Variants in FER observed in about 807,000 individuals in gnomAD.
FER encodes tyrosine-protein kinase Fer.
A neutral mutation model predicts 111.0 loss-of-function variants in FER; 63 were observed. That is an observed-to-expected ratio of 0.57 (90% CI 0.46 to 0.70). The LOEUF is 0.70. Ranked by LOEUF, FER falls within the 30% of genes least tolerant of loss-of-function variation. The pLI, the probability that FER is intolerant of heterozygous loss-of-function variation, is 0.00. For missense variants in FER, 914 were observed against 954.0 expected (o/e 0.96, Z 0.55); for synonymous variants, 327 against 313.9 (o/e 1.04, Z -0.44).
intron 13 of FER, among the ~76,000 whole-genome samples, chr5:108,968,146 T>G (rs1363270917): frequency 1.3e-5 from 2 of 152,218 alleles, no homozygotes; most frequent in Admixed American, 1.3e-4. Flanking sequence ...CCCAGCACTT[T>G]GGGAGGCAAA....
chr5:108,835,618 T>C, intron 4 of FER, 90 bp from the exon 5 acceptor site: 1 of 744,594 alleles, frequency 1.3e-6, no homozygotes, highest in Non-Finnish European at 2.2e-6. Flanking sequence ...AGTAGTGAAA[T>C]ACACATCAGT....
chr5:108,770,853 A>T (rs1407391610), intron 2 of FER, among the ~76,000 whole-genome samples: 2 of 152,198 alleles, frequency 1.3e-5, no homozygotes, highest in Non-Finnish European at 2.9e-5. Context: ...GCAAAGTGAA[A>T]TGGAATAAAC....
intron 10 of FER, among the ~76,000 whole-genome samples, chr5:108,906,470 A>G (rs1321398809): frequency 6.6e-6 from 1 of 152,162 alleles, no homozygotes; most frequent in Non-Finnish European, 1.5e-5. Context: ...AAAAACTGTC[A>G]TGTAATTAAC....
chr5:109,177,897 T>G (rs1757878977), intron 17 of FER, among the ~76,000 whole-genome samples: 1 of 152,202 alleles, frequency 6.6e-6, no homozygotes, highest in Non-Finnish European at 1.5e-5. Flanking sequence ...TGAATTCATG[T>G]AGGATTTGCA....
At chr5:108,883,612 A>G in intron 9 of FER, 94 bp downstream of exon 9, 1 of 1,087,348 alleles carries the variant, frequency 9.2e-7, no homozygotes, top group Non-Finnish European at 1.2e-6. Flanking sequence ...TAACATTTCT[A>G]GAAACAGAAA....
intron 17 of FER, among the ~76,000 whole-genome samples, chr5:109,146,277 T>TTATCTATCTA (rs1754194572): frequency 1.4e-5 from 1 of 70,190 alleles, no homozygotes; most frequent in African/African-American, 5.3e-5. Context: ...TATATATATA[T>TTATCTATCTA]ATATATATAT....
Position 109,051,743 on chromosome 5 carries a change from C to A in FER, c.1924+4545C>A. On this transcript the variant is annotated intron_variant, in intron 16 of 19. Coordinates refer to ENST00000281092, the MANE Select transcript of FER (RefSeq NM_005246.4). ...TGGTAAGGGTCGCTCTTTCCCTTAA[C>A]CCAATCCTTAACGCCCTTGAAGAAA... The A allele has an allele frequency of 2.5e-6, 4 of 1,572,374 alleles. No individual in the cohort carries two copies. The South Asian group carries it at 3.3e-5, about 13-fold the overall frequency.
intron 1 of FER, among the ~76,000 whole-genome samples, chr5:108,762,045 G>T (rs576797652): frequency 6.6e-6 from 1 of 152,138 alleles, no homozygotes; most frequent in South Asian, 2.1e-4. Flanking sequence ...CAAGTAGCTG[G>T]GACTATAGGT....
intron 17 of FER, among the ~76,000 whole-genome samples, chr5:109,176,957 T>C (rs964814449): frequency 6.6e-6 from 1 of 152,202 alleles, no homozygotes; most frequent in Non-Finnish European, 1.5e-5. Context: ...AACAAATATA[T>C]ACATGTAGTA....
intron 13 of FER, among the ~76,000 whole-genome samples, chr5:109,028,142 A>T (rs769811004): frequency 6.6e-6 from 1 of 152,178 alleles, no homozygotes; most frequent in African/African-American, 2.4e-5. Flanking sequence ...CATAAAGATT[A>T]TACAAAATTG....
At chr5:108,848,987 C>T (rs1762292483) in intron 5 of FER, among the ~76,000 whole-genome samples, 1 of 151,752 alleles carries the variant, frequency 6.6e-6, no homozygotes, top group Admixed American at 6.6e-5. Context: ...GATGTTTCTC[C>T]AGTGCCTTGT....
chr5:109,010,472 T>C (rs1424310885), intron 13 of FER, among the ~76,000 whole-genome samples: 1 of 152,152 alleles, frequency 6.6e-6, no homozygotes, highest in Non-Finnish European at 1.5e-5. Flanking sequence ...TATCCTTCTT[T>C]AAATGTTTTG....
At chr5:108,985,898 G>T (rs572372379) in intron 13 of FER, among the ~76,000 whole-genome samples, 3 of 152,280 alleles carry the variant, frequency 2.0e-5, no homozygotes, top group African/African-American at 7.2e-5. Flanking sequence ...CTGTAGACAT[G>T]TGTATGCAAA....
Position 108,935,501 on chromosome 5 carries a change from G to A in FER, c.1237-10629G>A, listed in dbSNP as rs116375369. Among the ~76,000 whole-genome samples the A allele has an allele frequency of 3.7e-3, 556 of 152,130 alleles. 1 individual carries two copies. Among genetic ancestry groups the A allele is most frequent in the African/African-American group, 0.013 (521 of 41,518 alleles). ...TGCAAAACTTGCTTTTCCAAATAAGGTTACATTCATAGGTTCTTAGTGGAA... is the reference window on the plus strand; with the variant it reads ...TGCAAAACTTGCTTTTCCAAATAAGATTACATTCATAGGTTCTTAGTGGAA... On this transcript the variant is annotated intron_variant, in intron 10 of 19. Transcript: ENST00000281092.
At chr5:109,097,742 G>A (rs1038807843) in intron 16 of FER, among the ~76,000 whole-genome samples, 6 of 151,900 alleles carry the variant, frequency 3.9e-5, no homozygotes, top group Non-Finnish European at 8.8e-5. Context: ...TATTTTCTGG[G>A]TGTCCTAACT....
chr5:108,986,179 T>G (rs950046679), intron 13 of FER, among the ~76,000 whole-genome samples: 1 of 152,328 alleles, frequency 6.6e-6, no homozygotes, highest in African/African-American at 2.4e-5. Context: ...TGCATTTCCC[T>G]AATCATTAAT....
At chr5:108,947,316 C>T (rs919335296) in intron 11 of FER, among the ~76,000 whole-genome samples, 1 of 151,926 alleles carries the variant, frequency 6.6e-6, no homozygotes, top group African/African-American at 2.4e-5. Context: ...TTCCCATTAG[C>T]AATATATGAA....
rs141178288 is a variant in FER at position 109,070,436 on chromosome 5, A to G, written c.1924+23238A>G. Among the ~76,000 whole-genome samples, 301 of 152,098 alleles carry G rather than the reference A, an allele frequency of 2.0e-3. 2 individuals are homozygous for G. Among genetic ancestry groups the G allele is most frequent in the African/African-American group, 6.9e-3 (285 of 41,560 alleles). On this transcript the variant is annotated intron_variant, in intron 16 of 19. Transcript: ENST00000281092. ...GATGAGTATACCTACCTTTCCTTAG[A>G]AGATAATCGACTTTGGAAATACTAA...
chr5:108,938,931 C>T (rs1755886433), intron 10 of FER, among the ~76,000 whole-genome samples: 1 of 151,964 alleles, frequency 6.6e-6, no homozygotes, highest in Non-Finnish European at 1.5e-5. Context: ...GTGTATTTTG[C>T]AGAATATTTT....
Sources: allele counts gnomAD v4.1 joint callset (sites outside exome capture counted in the v4.1 genomes callset), GRCh38; gene constraint gnomAD v4.1.1; transcripts MANE v1.5; gene names NCBI Gene and HGNC (gene_info 2026-07-23, HGNC 2026-07-21).